The following MACROD1 variants were observed in gnomAD, a reference collection of about 807,000 sequenced individuals.
The protein encoded by MACROD1 is ADP-ribose glycohydrolase MACROD1.
Under a neutral mutation model 41.4 loss-of-function variants are expected in MACROD1, and 31 were observed. That is an observed-to-expected ratio of 0.75 (90% CI 0.56 to 1.01). MACROD1 has a LOEUF of 1.01. Ranked by LOEUF, MACROD1 falls within the 50% of genes least tolerant of loss-of-function variation. The pLI, the probability that MACROD1 is intolerant of heterozygous loss-of-function variation, is 0.00. For missense variants in MACROD1, 473 were observed against 460.0 expected, an observed-to-expected ratio of 1.03 and a Z score of -0.26; for synonymous variants, 252 against 203.4, an observed-to-expected ratio of 1.24 and a Z score of -2.03.
chr11:64,022,867 ATTTTTTTT>A (rs922794608), intron 3 of MACROD1, among the ~76,000 whole-genome samples: 3 of 90,766 alleles, frequency 3.3e-5, no homozygotes, highest in South Asian at 8.7e-4. Context: ...TTCCACATGG[ATTTTTTTT>A]TTTTTTTTTT....
intron 3 of MACROD1, among the ~76,000 whole-genome samples, chr11:64,056,131 C>T (rs909221646): frequency 1.4e-4 from 22 of 152,226 alleles, no homozygotes; most frequent in Middle Eastern, 3.4e-3. Flanking sequence ...TAAGCAGCCC[C>T]GGCAGTTGGG....
intron 4 of MACROD1, among the ~76,000 whole-genome samples, chr11:64,009,748 C>G (rs1378056285): frequency 2.0e-5 from 3 of 152,222 alleles, no homozygotes; most frequent in Admixed American, 6.5e-5. Context: ...TGGGGGCTCT[C>G]ACTGCATTGG....
intron 8 of MACROD1, 105 bp from the exon 9 acceptor site, chr11:63,999,141 T>C: frequency 7.4e-7 from 1 of 1,342,544 alleles, no homozygotes; most frequent in Non-Finnish European, 1.0e-6. Context: ...CCCTGCGCCC[T>C]TCACGGAGGC....
intron 4 of MACROD1, among the ~76,000 whole-genome samples, chr11:64,014,657 TG>T (rs1190175152): frequency 6.6e-6 from 1 of 152,176 alleles, no homozygotes; most frequent in African/African-American, 2.4e-5. Flanking sequence ...AGGCAGGTGC[TG>T]GGGGTACAGG....
chr11:64,089,752 C>T (rs1944457705), intron 3 of MACROD1, among the ~76,000 whole-genome samples: 1 of 152,146 alleles, frequency 6.6e-6, no homozygotes, highest in South Asian at 2.1e-4. Flanking sequence ...ATCGGGGAAG[C>T]TGCCAGTCCC....
At chr11:64,065,615 CA>C (rs1345543585) in intron 3 of MACROD1, among the ~76,000 whole-genome samples, 2 of 111,196 alleles carry the variant, frequency 1.8e-5, no homozygotes, top group Non-Finnish European at 4.7e-5. Flanking sequence ...CGGTGAAACC[CA>C]GTCTCTACTA....
At chr11:64,068,120 C>T (rs1337039865) in intron 3 of MACROD1, among the ~76,000 whole-genome samples, 1 of 152,234 alleles carries the variant, frequency 6.6e-6, no homozygotes, top group Non-Finnish European at 1.5e-5. Context: ...AAAGTTGAAT[C>T]AAAATGTAAA....
intron 1 of MACROD1, among the ~76,000 whole-genome samples, chr11:64,153,190 C>T (rs1278776988): frequency 6.6e-6 from 1 of 152,146 alleles, no homozygotes; most frequent in Admixed American, 6.5e-5. Context: ...TGGAACCCGT[C>T]TCAGAAGGGC....
chr11:64,031,332 C>T (rs1360342099), intron 3 of MACROD1, among the ~76,000 whole-genome samples: 2 of 152,190 alleles, frequency 1.3e-5, no homozygotes, highest in Non-Finnish European at 2.9e-5. Flanking sequence ...CGCCAGGGCC[C>T]ACCCTCCTGG....
chr11:64,163,000 A>C (rs998369330), intron 1 of MACROD1, among the ~76,000 whole-genome samples: 2 of 152,150 alleles, frequency 1.3e-5, no homozygotes, highest in African/African-American at 4.8e-5. Context: ...ACGCGTCTGT[A>C]ATCCCAGCTA....
At chr11:64,053,635 G>C (rs1333454942) in intron 3 of MACROD1, among the ~76,000 whole-genome samples, 1 of 152,078 alleles carries the variant, frequency 6.6e-6, no homozygotes, top group Non-Finnish European at 1.5e-5. Flanking sequence ...GGGATCTACA[G>C]GGGGCAGCTG....
At chr11:64,151,403 A>G in intron 2 of MACROD1, 48 bp from the exon 3 acceptor site, 1 of 1,439,496 alleles carries the variant, frequency 6.9e-7, no homozygotes, top group South Asian at 1.1e-5. Flanking sequence ...TGCCCACTGC[A>G]GAGGGACCCA....
intron 3 of MACROD1, among the ~76,000 whole-genome samples, chr11:64,068,665 G>T (rs189717251): frequency 6.6e-6 from 1 of 152,362 alleles, no homozygotes; most frequent in East Asian, 1.9e-4. Context: ...ACCCCCTCCA[G>T]CCTGCACCAA....
chr11:64,004,048 G>A (rs1419978654), intron 4 of MACROD1, among the ~76,000 whole-genome samples: 1 of 152,214 alleles, frequency 6.6e-6, no homozygotes, highest in Non-Finnish European at 1.5e-5. Flanking sequence ...GCCTGAGCCC[G>A]GAGGAACCTC....
intron 3 of MACROD1, among the ~76,000 whole-genome samples, chr11:64,106,046 G>A (rs1944757615): frequency 1.3e-5 from 2 of 152,176 alleles, no homozygotes; most frequent in African/African-American, 4.8e-5. Flanking sequence ...CAGACAGGCA[G>A]TTGGGCAGTG....
intron 3 of MACROD1, among the ~76,000 whole-genome samples, chr11:64,139,367 G>A (rs1036456509): frequency 6.6e-6 from 1 of 152,210 alleles, no homozygotes; most frequent in African/African-American, 2.4e-5. Context: ...CACCAGGGCA[G>A]CCTGCTTCCC....
At chr11:64,150,214 C>A (rs1315706278) in intron 3 of MACROD1, among the ~76,000 whole-genome samples, 1 of 152,222 alleles carries the variant, frequency 6.6e-6, no homozygotes, top group Non-Finnish European at 1.5e-5. Flanking sequence ...GATCCTAGAG[C>A]CTGTCACTCA....
At chr11:64,011,121 C>T (rs1590798507) in intron 4 of MACROD1, among the ~76,000 whole-genome samples, 1 of 141,584 alleles carries the variant, frequency 7.1e-6, no homozygotes, top group Non-Finnish European at 1.5e-5. Flanking sequence ...GGGGTGTTGG[C>T]TGGCATATTG....
intron 3 of MACROD1, among the ~76,000 whole-genome samples, chr11:64,137,275 C>T (rs909567155): frequency 2.8e-4 from 43 of 152,178 alleles, no homozygotes; most frequent in African/African-American, 8.9e-4. Context: ...AGGAGGGCAG[C>T]GGCGGGGGGG....
Sources: gnomAD v4.1 joint callset for allele counts (sites outside exome capture counted in the v4.1 genomes callset) on GRCh38, gnomAD v4.1.1 for gene constraint, MANE v1.5 for transcripts, NCBI Gene and HGNC (gene_info 2026-07-23, HGNC 2026-07-21) for gene names.